PSMC1: variants seen among roughly 807,000 people sequenced by gnomAD.
The protein encoded by PSMC1 is 26S proteasome regulatory subunit 4.
Under a neutral mutation model 49.8 loss-of-function variants are expected in PSMC1, and 5 were observed. The ratio of observed to expected loss-of-function variants is 0.10; its 90% confidence interval spans 0.05 to 0.21. The LOEUF (loss-of-function observed/expected upper bound fraction) is 0.21. PSMC1 is among the 10% of genes least tolerant of loss of function. The pLI is 1.00. For synonymous variants in PSMC1, 155 were observed against 192.1 expected, an observed-to-expected ratio of 0.81 and a Z score of 1.60; for missense variants, 181 against 535.7, an observed-to-expected ratio of 0.34 and a Z score of 6.54.
At chr14:90,259,901 C>T (rs186626767) in intron 2 of PSMC1, among the ~76,000 whole-genome samples, 11 of 152,156 alleles carry the variant, frequency 7.2e-5, no homozygotes, top group South Asian at 6.2e-4. Flanking sequence ...GGATTACATA[C>T]GTGAGCCACC....
In PSMC1 at chr14:90,263,749, G is replaced by C; in HGVS notation, c.367G>C (p.Val123Leu). ...GATCATTGATGACAATCATGCCATC[G>C]TGTCTACATCTGTGGGCTCAGAACA... The part of the protein sequence containing the change: ...EEIIDDNHAI[V>L]STSVGSEHYV... Residue 123 changes from valine (V) to leucine (L), a missense_variant, in exon 5 of 11, where the codon GTG (valine) becomes CTG (leucine). Physicochemically the swap from Val to Leu is conservative, Grantham distance 32. Transcript: ENST00000261303. 4.3e-6 allele frequency: 7 copies of C among 1,612,326 alleles called. No homozygotes were observed. Among genetic ancestry groups the C allele is most frequent in the Non-Finnish European group, 5.9e-6 (7 of 1,178,314 alleles).
Position 90,259,223 on chromosome 14 carries a change from C to A in PSMC1, c.57+10C>A. On this transcript the variant is annotated intron_variant, in intron 2 of 10. Transcript: ENST00000261303. Reference sequence around the variant, plus strand: ...CAAGAAGGATGACAAGGTAAATATGCCAGATTTGTCCTGTGATATGAGCAA... The same window carrying A: ...CAAGAAGGATGACAAGGTAAATATGACAGATTTGTCCTGTGATATGAGCAA... 6.2e-7 allele frequency: 1 copy of A among 1,612,980 alleles called. No homozygotes were observed.
intron 8 of PSMC1, chr14:90,269,156 G>A (rs1891596307): frequency 2.1e-6 from 1 of 473,952 alleles, no homozygotes; most frequent in Non-Finnish European, 3.8e-6. Flanking sequence ...CTTTCCAAAA[G>A]GCCTCATCTC....
Position 90,265,128 on chromosome 14 carries a change from C to T in PSMC1, c.653C>T (p.Pro218Leu). The change falls in exon 7 of 11, where the codon CCT becomes CTT. Residue 218 changes from proline (P) to leucine (L), a missense_variant. Around this residue, in one of 3 missense-constraint regions of PSMC1, gnomAD observed 121 missense variants for 358.6 expected, o/e 0.34. Coordinates refer to ENST00000261303, the MANE Select transcript of PSMC1 (RefSeq NM_002802.3). ...PEYYEEMGIK[P>L]PKGVILYGPP... ...TATTATGAAGAGATGGGTATAAAGCCTCCTAAGGGGGTCATTCTCTATGGT... is the reference window on the plus strand; with the variant it reads ...TATTATGAAGAGATGGGTATAAAGCTTCCTAAGGGGGTCATTCTCTATGGT... The T allele has an allele frequency of 6.2e-7, 1 of 1,613,212 alleles. No individual in the cohort carries two copies. Among genetic ancestry groups the T allele is most frequent in the Non-Finnish European group, 8.5e-7 (1 of 1,179,682 alleles).
chr14:90,267,181 G>T (rs1462824386), intron 7 of PSMC1, among the ~76,000 whole-genome samples: 1 of 151,150 alleles, frequency 6.6e-6, no homozygotes, highest in Non-Finnish European at 1.5e-5. Context: ...CCAGGCTGGA[G>T]TGCAATGGCG....
chr14:90,268,357 A>G lies in PSMC1; in HGVS notation c.825A>G (p.Glu275=), dbSNP rs1231656633. The part of the protein sequence containing the change: ...KLVRELFRVA[E]EHAPSIVFID... ...TACGGGAATTGTTCCGAGTTGCTGA[A>G]GAACATGCACCGTCCATCGTGTTTA... Residue 275 remains glutamate (E), a synonymous_variant, in exon 8 of 11, where the codon GAA becomes GAG. Transcript: ENST00000261303. 21 of 1,613,864 alleles carry G rather than the reference A, an allele frequency of 1.3e-5. No homozygotes were observed. The highest frequency in any genetic ancestry group is 1.7e-5 in the Non-Finnish European group (20 of 1,179,834).
intron 3 of PSMC1, among the ~76,000 whole-genome samples, chr14:90,260,649 A>G (rs542862306): frequency 6.1e-4 from 93 of 152,228 alleles, no homozygotes; most frequent in African/African-American, 2.0e-3. Context: ...GGAGAATGGC[A>G]TGAACCCGGG....
chr14:90,264,510 G>C (rs1453675472), intron 6 of PSMC1, among the ~76,000 whole-genome samples: 2 of 152,224 alleles, frequency 1.3e-5, no homozygotes, highest in Admixed American at 6.5e-5. Flanking sequence ...ATGTGTACTT[G>C]CACACATTTA....
intron 2 of PSMC1, 133 bp downstream of exon 2, chr14:90,259,346 C>T: frequency 1.4e-6 from 1 of 698,236 alleles, no homozygotes; most frequent in Non-Finnish European, 2.3e-6. Flanking sequence ...CTAGCCTGTC[C>T]TACAGATACA....
intron 3 of PSMC1, among the ~76,000 whole-genome samples, chr14:90,262,105 T>C (rs975219527): frequency 1.5e-5 from 2 of 137,522 alleles, no homozygotes; most frequent in African/African-American, 5.5e-5. Context: ...ACAATGAGAA[T>C]ACTTGGACAC....
intron 7 of PSMC1, among the ~76,000 whole-genome samples, chr14:90,266,031 G>A (rs1891504690): frequency 6.6e-6 from 1 of 152,080 alleles, no homozygotes; most frequent in African/African-American, 2.4e-5. Context: ...CAAGGCGGAT[G>A]GATGACTTGA....
chr14:90,267,216 G>A (rs759146222), intron 7 of PSMC1, among the ~76,000 whole-genome samples: 8 of 151,006 alleles, frequency 5.3e-5, no homozygotes, highest in South Asian at 2.1e-4. Flanking sequence ...TGCAATCTCC[G>A]CCTCCCGGGT....
At chr14:90,265,614 G>A (rs10151982) in intron 7 of PSMC1, among the ~76,000 whole-genome samples, 5,331 of 151,300 alleles carry the variant, frequency 0.035, 294 homozygotes, top group African/African-American at 0.12. Context: ...GCATGAACCC[G>A]GGAGGCGGTG....
At chr14:90,256,719 C>G (rs919204725) in intron 1 of PSMC1, 119 bp downstream of exon 1, 2 of 1,462,240 alleles carry the variant, frequency 1.4e-6, no homozygotes. Flanking sequence ...CTCCTTTTGC[C>G]GGCCTGATCT....
At chr14:90,257,600 T>TATTTTA (rs923719971) in intron 1 of PSMC1, among the ~76,000 whole-genome samples, 1 of 152,184 alleles carries the variant, frequency 6.6e-6, no homozygotes, top group African/African-American at 2.4e-5. Flanking sequence ...AGGTCTTTTT[T>TATTTTA]ATTTTAATTT....
chr14:90,269,380 T>TC lies in PSMC1; in HGVS notation c.882-17_882-16insC, dbSNP rs557295445. ...ATCAGTTGAGTCTTCATTCCTTCCCTTTTTTTTTTTCCAAAGATATGACTC... is the reference window on the plus strand; with the variant it reads ...ATCAGTTGAGTCTTCATTCCTTCCCTCTTTTTTTTTTCCAAAGATATGACTC... On this transcript the variant is annotated splice_polypyrimidine_tract_variant and intron_variant, in intron 8 of 10. Coordinates refer to ENST00000261303, the MANE Select transcript of PSMC1 (RefSeq NM_002802.3). 1 of 1,156,546 alleles carries TC rather than the reference T, an allele frequency of 8.6e-7. No homozygotes were observed. The highest frequency in any genetic ancestry group is 2.6e-5 in the African/African-American group (1 of 37,742). 71.6% of individuals were successfully genotyped at this position (1,156,546 alleles called of 1,614,324 possible).
At position 90,273,094 on chromosome 14, in the gene PSMC1, C is replaced by T. The variant is rs376919541; in HGVS notation, c.*687C>T. On this transcript the variant is annotated 3_prime_UTR_variant, in exon 11 of 11. Transcript: ENST00000261303. ...CCCCTTCCCTTTCTCCGTCTATTTC[C>T]GTCATTTCTCTTTCTGAACAAATCA... The T allele has an allele frequency of 7.2e-5, 11 of 152,116 alleles. No individual in the cohort carries two copies. Among genetic ancestry groups the T allele is most frequent in the African/African-American group, 2.7e-4 (11 of 41,404 alleles). The allele number at this position is 152,116 out of a possible 1,614,324, so 9.4% of individuals were successfully genotyped here. A position where few individuals can be genotyped will look rare whatever the true frequency, so the allele number is the denominator to read the frequency against.
intron 7 of PSMC1, 73 bp from the exon 8 acceptor site, chr14:90,268,151 A>G: frequency 7.9e-7 from 1 of 1,272,512 alleles, no homozygotes; most frequent in Admixed American, 2.8e-5. Flanking sequence ...TTAAGGTGGT[A>G]ATGATACGAG....
chr14:90,266,449 G>A (rs932009926), intron 7 of PSMC1, among the ~76,000 whole-genome samples: 4 of 152,182 alleles, frequency 2.6e-5, no homozygotes, highest in African/African-American at 9.7e-5. Flanking sequence ...CCCAGAGGCC[G>A]AGAGCTAGAA....
Sources: gnomAD v4.1 joint callset for allele counts (sites outside exome capture counted in the v4.1 genomes callset) on GRCh38, gnomAD v4.1.1 for gene constraint, gnomAD v4.1.1 regional missense constraint, MANE v1.5 for transcripts, NCBI Gene and HGNC (gene_info 2026-07-23, HGNC 2026-07-21) for gene names.